CNTN5: variants seen among roughly 807,000 people sequenced by gnomAD.
CNTN5 encodes contactin-5.
A neutral mutation model predicts 129.1 loss-of-function variants in CNTN5; 77 were observed. The observed-to-expected ratio is 0.60, with a 90% CI of 0.50 to 0.72. The LOEUF is 0.72. Ranked by LOEUF, CNTN5 falls within the 30% of genes least tolerant of loss-of-function variation. The probability of loss-of-function intolerance (pLI) is 0.00; values close to 1 mark genes in which losing one functional copy is unlikely to be tolerated. For synonymous variants in CNTN5, 509 were observed against 465.6 expected, an observed-to-expected ratio of 1.09 and a Z score of -1.20; for missense variants, 1,478 against 1,328.8, an observed-to-expected ratio of 1.11 and a Z score of -1.75.
At chr11:99,847,638 A>G (rs1225637130) in intron 6 of CNTN5, among the ~76,000 whole-genome samples, 2 of 152,204 alleles carry the variant, frequency 1.3e-5, no homozygotes, top group Non-Finnish European at 2.9e-5. Context: ...CATTATGCTT[A>G]TTCCTATGAT....
chr11:99,080,245 C>T (rs1384955815), intron 1 of CNTN5, among the ~76,000 whole-genome samples: 2 of 152,038 alleles, frequency 1.3e-5, no homozygotes, highest in African/African-American at 4.8e-5. Context: ...TTTGAATAGG[C>T]TTGAAAGAGC....
At chr11:100,113,258 A>G (rs1945713663) in intron 13 of CNTN5, among the ~76,000 whole-genome samples, 2 of 151,936 alleles carry the variant, frequency 1.3e-5, no homozygotes, top group African/African-American at 4.8e-5. Flanking sequence ...ATATAAATGT[A>G]AAGTATTAAT....
chr11:99,793,135 C>T (rs1400692208), intron 3 of CNTN5, among the ~76,000 whole-genome samples: 1 of 151,988 alleles, frequency 6.6e-6, no homozygotes, highest in Admixed American at 6.6e-5. Context: ...TCTCGGCTCA[C>T]TGCAACCTCT....
intron 13 of CNTN5, among the ~76,000 whole-genome samples, chr11:100,159,663 A>C (rs1302192165): frequency 6.6e-6 from 1 of 151,970 alleles, no homozygotes; most frequent in African/African-American, 2.4e-5. Flanking sequence ...GAACACCAAC[A>C]TGTTAGAAAT....
At chr11:99,743,658 G>A (rs1029013595) in intron 3 of CNTN5, among the ~76,000 whole-genome samples, 1 of 152,158 alleles carries the variant, frequency 6.6e-6, no homozygotes, top group Non-Finnish European at 1.5e-5. Context: ...ATGTCATCCA[G>A]TCATACTTTA....
chr11:100,340,628 A>G lies in CNTN5; in HGVS notation c.2896A>G (p.Ser966Gly), dbSNP rs748353323. ...AGYGPPSSEV[S>G]ATTKKSPPSQ... ...ATATGGGCCACCTAGCAGTGAAGTGAGTGCAACCACCAAGAAATCCCGTAA... is the reference window on the plus strand; with the variant it reads ...ATATGGGCCACCTAGCAGTGAAGTGGGTGCAACCACCAAGAAATCCCGTAA... The change falls in exon 22 of 25, where the codon AGT becomes GGT. Residue 966 changes from serine (S) to glycine (G), a missense_variant. Coordinates refer to ENST00000524871, the MANE Select transcript of CNTN5 (RefSeq NM_014361.4). The G allele has an allele frequency of 3.1e-6, 5 of 1,602,488 alleles. No homozygotes were observed. The highest frequency in any genetic ancestry group is 4.3e-6 in the Non-Finnish European group (5 of 1,176,216).
intron 1 of CNTN5, among the ~76,000 whole-genome samples, chr11:99,053,872 C>T (rs1474373724): frequency 6.6e-6 from 1 of 151,792 alleles, no homozygotes; most frequent in Non-Finnish European, 1.5e-5. Flanking sequence ...AATTTTGGAT[C>T]CTATATTTCT....
intron 21 of CNTN5, among the ~76,000 whole-genome samples, chr11:100,313,031 G>A (rs1229230577): frequency 6.6e-6 from 1 of 151,994 alleles, no homozygotes; most frequent in Non-Finnish European, 1.5e-5. Flanking sequence ...TGAAGCACTG[G>A]GAAATTAAAA....
At chr11:99,686,064 G>A (rs1029522681) in intron 3 of CNTN5, among the ~76,000 whole-genome samples, 1 of 151,966 alleles carries the variant, frequency 6.6e-6, no homozygotes, top group Non-Finnish European at 1.5e-5. Context: ...TCAAACAAAT[G>A]TTGGAACACT....
chr11:99,934,880 G>GTT (rs1950273125), intron 7 of CNTN5, among the ~76,000 whole-genome samples: 1 of 4,440 alleles, frequency 2.3e-4, no homozygotes, highest in Non-Finnish European at 4.7e-4. Flanking sequence ...GTCTGTGTGT[G>GTT]TGTGTGTGTG....
At chr11:100,034,461 G>A (rs1405525331) in intron 9 of CNTN5, among the ~76,000 whole-genome samples, 2 of 152,084 alleles carry the variant, frequency 1.3e-5, no homozygotes, top group Non-Finnish European at 2.9e-5. Context: ...AATTTAACTA[G>A]ACCAGAGTAA....
chr11:99,695,706 A>G (rs1954238419), intron 3 of CNTN5, among the ~76,000 whole-genome samples: 1 of 151,982 alleles, frequency 6.6e-6, no homozygotes, highest in Non-Finnish European at 1.5e-5. Flanking sequence ...CATAGACTCC[A>G]TCTCTACAAA....
chr11:99,861,804 A>G (rs1040530546), intron 6 of CNTN5, among the ~76,000 whole-genome samples: 4 of 152,220 alleles, frequency 2.6e-5, no homozygotes, highest in African/African-American at 9.6e-5. Context: ...GCTTACCTTT[A>G]GAAATTAGGG....
At chr11:99,568,890 C>T (rs1949088216) in intron 3 of CNTN5, among the ~76,000 whole-genome samples, 1 of 152,166 alleles carries the variant, frequency 6.6e-6, no homozygotes, top group African/African-American at 2.4e-5. Flanking sequence ...ACATAGACAT[C>T]AACCAGAAGA....
chr11:100,013,707 A>T (rs1940662098), intron 9 of CNTN5, among the ~76,000 whole-genome samples: 1 of 152,138 alleles, frequency 6.6e-6, no homozygotes, highest in East Asian at 1.9e-4. Flanking sequence ...ACAAATTCCC[A>T]CTGAGTATTC....
chr11:100,187,424 G>A (rs1341915687), intron 13 of CNTN5, among the ~76,000 whole-genome samples: 8 of 140,852 alleles, frequency 5.7e-5, no homozygotes, highest in East Asian at 4.2e-4. Flanking sequence ...TTTTTTTTTC[G>A]TGTAACTAGA....
chr11:99,818,951 G>A (rs1374106198), intron 3 of CNTN5, among the ~76,000 whole-genome samples: 1 of 151,818 alleles, frequency 6.6e-6, no homozygotes, highest in East Asian at 1.9e-4. Context: ...TACTTTTCAA[G>A]AACATGAGGT....
intron 2 of CNTN5, among the ~76,000 whole-genome samples, chr11:99,544,750 G>C (rs1948236345): frequency 6.6e-6 from 1 of 152,140 alleles, no homozygotes; most frequent in Non-Finnish European, 1.5e-5. Flanking sequence ...AGCTAAAATA[G>C]AGAGAGGCAG....
chr11:99,908,161 A>C (rs1369104584), intron 6 of CNTN5, among the ~76,000 whole-genome samples: 1 of 152,084 alleles, frequency 6.6e-6, no homozygotes, highest in Non-Finnish European at 1.5e-5. Flanking sequence ...ATAGGCAGAT[A>C]GTCCAATTTA....
Sources: gnomAD v4.1 joint callset for allele counts (sites outside exome capture counted in the v4.1 genomes callset) on GRCh38, gnomAD v4.1.1 for gene constraint, MANE v1.5 for transcripts, NCBI Gene and HGNC (gene_info 2026-07-23, HGNC 2026-07-21) for gene names.